The following FCHSD2 variants were observed in gnomAD, a reference collection of about 807,000 sequenced individuals.
FCHSD2 encodes the protein FCH and double SH3 domains 2.
Under a neutral mutation model 108.1 loss-of-function variants are expected in FCHSD2, and 38 were observed. The observed-to-expected ratio is 0.35, with a 90% CI of 0.27 to 0.46. The LOEUF (loss-of-function observed/expected upper bound fraction) is 0.46. FCHSD2 is among the 20% of genes least tolerant of loss of function. The pLI is 1.00. For synonymous variants in FCHSD2, 279 were observed against 314.7 expected (o/e 0.89, Z 1.20); for missense variants, 751 against 897.8 (o/e 0.84, Z 2.09).
At chr11:72,943,544 G>A (rs1264768598) in intron 8 of FCHSD2, among the ~76,000 whole-genome samples, 1 of 152,200 alleles carries the variant, frequency 6.6e-6, no homozygotes, top group Non-Finnish European at 1.5e-5. Context: ...TAATGAAAGG[G>A]AAGGAAATTG....
At chr11:73,100,279 A>G (rs913894626) in intron 2 of FCHSD2, among the ~76,000 whole-genome samples, 5 of 152,222 alleles carry the variant, frequency 3.3e-5, no homozygotes, top group South Asian at 2.1e-4. Context: ...TATTAACAAC[A>G]ACAATTAACA....
intron 2 of FCHSD2, among the ~76,000 whole-genome samples, chr11:73,135,843 G>T (rs116113806): frequency 6.6e-6 from 1 of 152,094 alleles, no homozygotes; most frequent in African/African-American, 2.4e-5. Context: ...TCCTCCCCTC[G>T]AAATTCCAAA....
intron 2 of FCHSD2, among the ~76,000 whole-genome samples, chr11:73,119,058 T>C (rs1021223884): frequency 1.3e-5 from 2 of 152,100 alleles, no homozygotes; most frequent in African/African-American, 4.8e-5. Context: ...TCCTACCACT[T>C]TGGGAGGCCA....
intron 3 of FCHSD2, among the ~76,000 whole-genome samples, chr11:73,035,320 C>T (rs893800753): frequency 2.0e-5 from 3 of 152,032 alleles, no homozygotes; most frequent in Non-Finnish European, 2.9e-5. Context: ...ACTACAGGCA[C>T]GCACCACTAC....
intron 8 of FCHSD2, among the ~76,000 whole-genome samples, chr11:72,931,919 G>T (rs950908484): frequency 2.0e-5 from 3 of 152,176 alleles, no homozygotes; most frequent in Non-Finnish European, 4.4e-5. Context: ...TTTCATTGTT[G>T]TTGTTTTAAA....
intron 9 of FCHSD2, among the ~76,000 whole-genome samples, chr11:72,911,114 T>C (rs368745203): frequency 2.0e-5 from 3 of 152,226 alleles, no homozygotes; most frequent in African/African-American, 7.2e-5. Context: ...AGTAGTTTCA[T>C]AGTTTGAGGT....
intron 3 of FCHSD2, among the ~76,000 whole-genome samples, chr11:73,025,697 G>A (rs1858211805): frequency 6.6e-6 from 1 of 151,884 alleles, no homozygotes; most frequent in African/African-American, 2.4e-5. Flanking sequence ...AATCTCCTTG[G>A]AATTAGTTTG....
At chr11:72,935,872 T>G (rs1856289598) in intron 8 of FCHSD2, among the ~76,000 whole-genome samples, 1 of 152,100 alleles carries the variant, frequency 6.6e-6, no homozygotes, top group Non-Finnish European at 1.5e-5. Flanking sequence ...TTCAATGCTG[T>G]TTTTCTATAA....
At chr11:73,058,924 C>A (rs1859097589) in intron 3 of FCHSD2, among the ~76,000 whole-genome samples, 1 of 152,058 alleles carries the variant, frequency 6.6e-6, no homozygotes, top group Non-Finnish European at 1.5e-5. Flanking sequence ...CACTTACCAA[C>A]CAGAAATATA....
At chr11:73,126,505 T>C (rs1309884092) in intron 2 of FCHSD2, among the ~76,000 whole-genome samples, 2 of 151,994 alleles carry the variant, frequency 1.3e-5, no homozygotes, top group African/African-American at 4.8e-5. Flanking sequence ...CTTGTACATA[T>C]TAGAAATAAA....
Position 72,902,538 on chromosome 11 carries a change from C to T in FCHSD2, c.924+5G>A. The stretch of plus-strand genomic sequence containing the variant: ...ACATGAAATGAAAATCTATAATTCC[C>T]TTACAGTATCACTGTCACAAGGCTG... On this transcript the variant is annotated splice_donor_5th_base_variant and intron_variant, in intron 10 of 19. Coordinates refer to ENST00000409418, the MANE Select transcript of FCHSD2 (RefSeq NM_014824.3). 1.3e-6 allele frequency: 2 copies of T among 1,553,428 alleles called. No individual in the cohort carries two copies. Among genetic ancestry groups the T allele is most frequent in the Non-Finnish European group, 1.8e-6 (2 of 1,141,232 alleles).
Position 73,097,376 on chromosome 11 carries a change from ATTTAT to A in FCHSD2, c.120-13641_120-13637del, listed in dbSNP as rs1349149843. Among the ~76,000 whole-genome samples, 22 of 145,418 alleles carry A rather than the reference ATTTAT, an allele frequency of 1.5e-4. No homozygotes were observed. In the South Asian group the frequency reaches 4.3e-3, roughly 28 times the overall value. On this transcript the variant is annotated intron_variant, in intron 2 of 19. Transcript: ENST00000409418. Reference sequence around the variant, plus strand: ...TAGGTTTGTTTGTTTGGTTTATTTTATTTATTTATTTTTTTTTTTTGCATCTCTCT... The same window carrying A: ...TAGGTTTGTTTGTTTGGTTTATTTTATTATTTTTTTTTTTTGCATCTCTCT...
intron 12 of FCHSD2, among the ~76,000 whole-genome samples, chr11:72,872,469 T>C (rs773419280): frequency 2.0e-5 from 3 of 152,146 alleles, no homozygotes; most frequent in Non-Finnish European, 2.9e-5. Flanking sequence ...CCCTGCAGTC[T>C]TGACAATCAC....
chr11:72,948,374 T>G (rs989230212), intron 8 of FCHSD2, among the ~76,000 whole-genome samples: 3 of 152,200 alleles, frequency 2.0e-5, no homozygotes, highest in Non-Finnish European at 4.4e-5. Flanking sequence ...TTACTGAATG[T>G]TTCATTTTTC....
At chr11:72,895,691 T>G (rs1591376979) in intron 10 of FCHSD2, among the ~76,000 whole-genome samples, 1 of 152,348 alleles carries the variant, frequency 6.6e-6, no homozygotes, top group Non-Finnish European at 1.5e-5. Flanking sequence ...ACAAAAAGCC[T>G]TTTGTGAAAC....
At chr11:72,844,358 T>G (rs1861060144) in intron 14 of FCHSD2, among the ~76,000 whole-genome samples, 1 of 152,086 alleles carries the variant, frequency 6.6e-6, no homozygotes, top group Non-Finnish European at 1.5e-5. Context: ...AGAAAAAAAT[T>G]GTAGGAAAGG....
intron 19 of FCHSD2, among the ~76,000 whole-genome samples, 170 bp from the exon 20 acceptor site, chr11:72,839,044 G>A (rs1046189560): frequency 1.3e-5 from 2 of 152,192 alleles, no homozygotes; most frequent in African/African-American, 4.8e-5. Context: ...ACACTGAGAA[G>A]CAGTTGTTCT....
At chr11:73,108,155 A>G (rs2135541440) in intron 2 of FCHSD2, among the ~76,000 whole-genome samples, 1 of 152,312 alleles carries the variant, frequency 6.6e-6, no homozygotes, top group East Asian at 1.9e-4. Flanking sequence ...CATTTCTCTG[A>G]TGATCAATGA....
chr11:72,886,331 G>C (rs1855198286), intron 12 of FCHSD2, among the ~76,000 whole-genome samples: 1 of 152,102 alleles, frequency 6.6e-6, no homozygotes, highest in Non-Finnish European at 1.5e-5. Context: ...ACCTCCTGAA[G>C]TTGCATGGCA....
Sources: gnomAD v4.1 joint callset for allele counts (sites outside exome capture counted in the v4.1 genomes callset) on GRCh38, gnomAD v4.1.1 for gene constraint, MANE v1.5 for transcripts, NCBI Gene and HGNC (gene_info 2026-07-23, HGNC 2026-07-21) for gene names.